TMEM117: variants seen among roughly 807,000 people sequenced by gnomAD.
TMEM117 encodes transmembrane protein 117.
Under a neutral mutation model 52.4 loss-of-function variants are expected in TMEM117, and 27 were observed. The observed-to-expected ratio is 0.51, with a 90% CI of 0.38 to 0.71. TMEM117 has a LOEUF of 0.71. TMEM117 is among the 30% of genes least tolerant of loss of function. TMEM117 has a pLI of 0.00. For missense variants in TMEM117, 556 were observed against 630.5 expected, an observed-to-expected ratio of 0.88 and a Z score of 1.26; for synonymous variants, 215 against 206.3, an observed-to-expected ratio of 1.04 and a Z score of -0.36.
intron 5 of TMEM117, among the ~76,000 whole-genome samples, chr12:44,290,309 A>G (rs1227338968): frequency 2.0e-5 from 3 of 152,114 alleles, no homozygotes; most frequent in Admixed American, 1.3e-4. Context: ...TACGAATGTC[A>G]AGGAGCTTTT....
chr12:43,951,878 T>A (rs528463344), intron 3 of TMEM117, among the ~76,000 whole-genome samples: 41 of 152,286 alleles, frequency 2.7e-4, no homozygotes, highest in African/African-American at 9.6e-4. Flanking sequence ...AGACACCTGA[T>A]GCAGGAGAGC....
At chr12:43,962,962 T>A (rs1431097041) in intron 3 of TMEM117, among the ~76,000 whole-genome samples, 1 of 151,582 alleles carries the variant, frequency 6.6e-6, no homozygotes, top group Non-Finnish European at 1.5e-5. Context: ...GGAGGATAGT[T>A]CCTAGGCATA....
chr12:44,003,973 G>A (rs1005794962), intron 3 of TMEM117, among the ~76,000 whole-genome samples: 25 of 152,292 alleles, frequency 1.6e-4, no homozygotes, highest in African/African-American at 5.8e-4. Context: ...TTCTGGTCCT[G>A]TTCTACAACC....
At chr12:44,244,952 T>A (rs1403599351) in intron 5 of TMEM117, among the ~76,000 whole-genome samples, 1 of 152,108 alleles carries the variant, frequency 6.6e-6, no homozygotes, top group Non-Finnish European at 1.5e-5. Flanking sequence ...GATACTGCAT[T>A]TCCTTATTGT....
intron 5 of TMEM117, among the ~76,000 whole-genome samples, chr12:44,231,036 T>C (rs1368242217): frequency 6.6e-6 from 1 of 151,996 alleles, no homozygotes; most frequent in Non-Finnish European, 1.5e-5. Context: ...GTGTATCCTC[T>C]ACTGCCAAGA....
chr12:44,359,895 G>A (rs1352742032), intron 6 of TMEM117, among the ~76,000 whole-genome samples: 1 of 152,068 alleles, frequency 6.6e-6, no homozygotes, highest in African/African-American at 2.4e-5. Context: ...TTTTGTCTGT[G>A]CACAAACAAG....
At chr12:43,871,525 T>G (rs1222795140) in intron 2 of TMEM117, among the ~76,000 whole-genome samples, 1 of 152,242 alleles carries the variant, frequency 6.6e-6, no homozygotes, top group Non-Finnish European at 1.5e-5. Flanking sequence ...TGTCCATGTG[T>G]ATGTCTTCTT....
At chr12:44,196,299 A>C (rs764720998) in intron 4 of TMEM117, among the ~76,000 whole-genome samples, 3 of 152,162 alleles carry the variant, frequency 2.0e-5, no homozygotes, top group African/African-American at 7.2e-5. Context: ...TAAAGGTACT[A>C]TATAGAGGAT....
At chr12:43,870,854 C>G (rs1196399428) in intron 2 of TMEM117, among the ~76,000 whole-genome samples, 1 of 151,804 alleles carries the variant, frequency 6.6e-6, no homozygotes, top group African/African-American at 2.4e-5. Flanking sequence ...GTGCTATCCC[C>G]GCTCACTGCA....
At chr12:44,306,295 A>G (rs1950902207) in intron 6 of TMEM117, among the ~76,000 whole-genome samples, 1 of 152,218 alleles carries the variant, frequency 6.6e-6, no homozygotes. Flanking sequence ...AAATTATTTT[A>G]AAAAGAAAAA....
chr12:44,036,007 A>G (rs1184873553), intron 3 of TMEM117, among the ~76,000 whole-genome samples: 1 of 152,112 alleles, frequency 6.6e-6, no homozygotes, highest in Non-Finnish European at 1.5e-5. Context: ...AGTGTTTTCT[A>G]GCTCTTTGTT....
intron 3 of TMEM117, among the ~76,000 whole-genome samples, chr12:44,135,320 A>G (rs1426222052): frequency 1.3e-5 from 2 of 152,098 alleles, no homozygotes; most frequent in South Asian, 2.1e-4. Context: ...CTGGGGTGCT[A>G]TTTTCTTTCC....
At chr12:43,988,070 A>G (rs1592418228) in intron 3 of TMEM117, among the ~76,000 whole-genome samples, 1 of 152,124 alleles carries the variant, frequency 6.6e-6, no homozygotes. Flanking sequence ...TGCCTTTAGA[A>G]TCTTAGAACA....
chr12:44,047,332 A>G (rs1946896030), intron 3 of TMEM117, among the ~76,000 whole-genome samples: 1 of 152,156 alleles, frequency 6.6e-6, no homozygotes, highest in East Asian at 1.9e-4. Context: ...ATCTGTAGGA[A>G]TTCTTTGAAC....
the TMEM117 span, among the ~76,000 whole-genome samples, chr12:43,823,910 T>C: frequency 1.3e-5 from 2 of 152,206 alleles, no homozygotes; most frequent in Non-Finnish European, 2.9e-5. Context: ...CTTTTTACTG[T>C]AGATAAGAAA....
intron 5 of TMEM117, among the ~76,000 whole-genome samples, chr12:44,228,812 T>C (rs2138446031): frequency 6.6e-6 from 1 of 152,244 alleles, no homozygotes; most frequent in South Asian, 2.1e-4. Flanking sequence ...ATTTGAGATA[T>C]GGTCAGTCCA....
At chr12:43,812,947 A>T in the TMEM117 span, among the ~76,000 whole-genome samples, 9 of 151,334 alleles carry the variant, frequency 5.9e-5, no homozygotes, top group African/African-American at 2.2e-4. Context: ...TCAAGGCTGC[A>T]GTGAGCTACG....
intron 3 of TMEM117, among the ~76,000 whole-genome samples, chr12:44,020,672 A>G (rs949384647): frequency 5.9e-5 from 9 of 152,198 alleles, no homozygotes; most frequent in Admixed American, 2.0e-4. Flanking sequence ...GTAAATTTCA[A>G]TGATTCCATA....
intron 6 of TMEM117, among the ~76,000 whole-genome samples, chr12:44,352,845 A>T (rs376522299): frequency 6.6e-6 from 1 of 151,930 alleles, no homozygotes; most frequent in Non-Finnish European, 1.5e-5. Flanking sequence ...GGTATTTCTA[A>T]TTCTAGATCC....
Sources: gnomAD v4.1 joint callset for allele counts (sites outside exome capture counted in the v4.1 genomes callset) on GRCh38, gnomAD v4.1.1 for gene constraint, MANE v1.5 for transcripts, NCBI Gene and HGNC (gene_info 2026-07-23, HGNC 2026-07-21) for gene names.